Variants in KAT6B observed in about 807,000 individuals in gnomAD.
KAT6B encodes lysine acetyltransferase 6B.
A neutral mutation model predicts 187.5 loss-of-function variants in KAT6B; 10 were observed. The observed-to-expected ratio is 0.05, with a 90% CI of 0.03 to 0.09. KAT6B has a LOEUF of 0.09. Ranked by LOEUF, KAT6B falls within the 10% of genes least tolerant of loss-of-function variation. The pLI, the probability that KAT6B is intolerant of heterozygous loss-of-function variation, is 1.00. For missense variants in KAT6B, 1,952 were observed against 2,558.9 expected, an observed-to-expected ratio of 0.76 and a Z score of 5.12; for synonymous variants, 861 against 926.8, an observed-to-expected ratio of 0.93 and a Z score of 1.29.
intron 3 of KAT6B, among the ~76,000 whole-genome samples, chr10:74,852,441 C>T (rs1842535322): frequency 6.6e-6 from 1 of 152,152 alleles, no homozygotes; most frequent in African/African-American, 2.4e-5. Flanking sequence ...AATTGCAGTT[C>T]ATGTTCTTCT....
chr10:74,875,797 T>C (rs1054888951), intron 3 of KAT6B, among the ~76,000 whole-genome samples: 7 of 152,180 alleles, frequency 4.6e-5, no homozygotes, highest in Non-Finnish European at 1.0e-4. Flanking sequence ...TTTAATTTGC[T>C]GTTTCTTGAT....
Position 74,863,146 on chromosome 10 carries a change from TATAAAG to T in KAT6B, c.621+19673_621+19678del, listed in dbSNP as rs1440910955. On this transcript the variant is annotated intron_variant, in intron 3 of 17. Transcript: ENST00000287239. The stretch of plus-strand genomic sequence containing the variant: ...GATACATTATCACTGCAAATTTGAC[TATAAAG>T]ATAACTACTGTTGAAAGTGTGTATT... 2.0e-5 allele frequency among the ~76,000 whole-genome samples: 3 copies of T among 152,376 alleles called. No homozygotes were observed. The East Asian group carries it at 5.8e-4, about 29-fold the overall frequency.
chr10:74,911,951 G>A (rs1409515100), intron 3 of KAT6B, among the ~76,000 whole-genome samples: 5 of 151,988 alleles, frequency 3.3e-5, no homozygotes, highest in South Asian at 2.1e-4. Context: ...GACTACATGC[G>A]TATGCCACCA....
At chr10:75,003,644 G>T (rs944053801) in intron 13 of KAT6B, among the ~76,000 whole-genome samples, 3 of 151,938 alleles carry the variant, frequency 2.0e-5, no homozygotes, top group Non-Finnish European at 4.4e-5. Context: ...AAGGAAAATG[G>T]CTATTTTTCC....
At chr10:74,962,865 T>TA (rs59621480) in intron 4 of KAT6B, among the ~76,000 whole-genome samples, 9,547 of 148,694 alleles carry the variant, frequency 0.064, 337 homozygotes, top group Middle Eastern at 0.11. Context: ...AAAAATTCTT[T>TA]AAAAAAAAAA....
intron 16 of KAT6B, 61 bp downstream of exon 16, chr10:75,022,292 G>A (rs765557643): frequency 9.1e-5 from 144 of 1,575,060 alleles, no homozygotes; most frequent in Non-Finnish European, 1.2e-4. Flanking sequence ...TGTCATTGCA[G>A]ACATTCTGTC....
chr10:74,901,305 A>G (rs971413173), intron 3 of KAT6B, among the ~76,000 whole-genome samples: 2 of 152,254 alleles, frequency 1.3e-5, no homozygotes, highest in African/African-American at 4.8e-5. Flanking sequence ...CTAACTGATT[A>G]TCTCTCACAT....
At chr10:74,883,918 T>TA in intron 3 of KAT6B, among the ~76,000 whole-genome samples, 1 of 152,306 alleles carries the variant, frequency 6.6e-6, no homozygotes, top group East Asian at 1.9e-4. Context: ...GACTCATACT[T>TA]ATGTGCTGTT....
chr10:74,851,753 A>G (rs1344786417), intron 3 of KAT6B, among the ~76,000 whole-genome samples: 3 of 152,222 alleles, frequency 2.0e-5, no homozygotes, highest in Non-Finnish European at 2.9e-5. Context: ...TGCCCCTTTT[A>G]GAGAGATACG....
intron 13 of KAT6B, among the ~76,000 whole-genome samples, chr10:75,020,247 A>G (rs1845294709): frequency 6.6e-6 from 1 of 152,214 alleles, no homozygotes; most frequent in Non-Finnish European, 1.5e-5. Context: ...TTTTGAAAGA[A>G]TCTAAAGCTG....
At chr10:75,023,362 T>G (rs754376533) in intron 16 of KAT6B, 1 of 152,218 alleles carries the variant, frequency 6.6e-6, no homozygotes, top group Non-Finnish European at 1.5e-5. Flanking sequence ...AGGGTCTCCA[T>G]GGGGAGGTGG....
intron 13 of KAT6B, among the ~76,000 whole-genome samples, chr10:75,012,442 G>A (rs942886399): frequency 1.3e-5 from 2 of 152,102 alleles, no homozygotes; most frequent in Admixed American, 6.5e-5. Context: ...GTGAGACCGT[G>A]TCCAAAAAAT....
At chr10:74,976,390 G>A (rs1169501700) in intron 8 of KAT6B, 60 bp downstream of exon 8, 5 of 1,407,050 alleles carry the variant, frequency 3.6e-6, no homozygotes, top group Non-Finnish European at 5.0e-6. Context: ...CCCCAACCCT[G>A]AAAAAAATCA....
At chr10:74,827,763 G>A (rs1840378898) in intron 1 of KAT6B, among the ~76,000 whole-genome samples, 1 of 152,112 alleles carries the variant, frequency 6.6e-6, no homozygotes, top group African/African-American at 2.4e-5. Context: ...ACTGTGCCAG[G>A]GGTGAGGATG....
At chr10:74,843,531 A>G (rs1841894300) in intron 3 of KAT6B, 53 bp downstream of exon 3, 2 of 1,604,694 alleles carry the variant, frequency 1.2e-6, no homozygotes, top group Admixed American at 3.3e-5. Flanking sequence ...TTTGTCTTTT[A>G]CGGTTTCACT....
At chr10:74,993,837 T>C (rs1843259831) in intron 13 of KAT6B, among the ~76,000 whole-genome samples, 1 of 152,212 alleles carries the variant, frequency 6.6e-6, no homozygotes, top group Admixed American at 6.5e-5. Flanking sequence ...GCTGTACATT[T>C]TTTGGCAGGA....
chr10:75,016,944 A>T (rs970128807), intron 13 of KAT6B, among the ~76,000 whole-genome samples: 2 of 147,320 alleles, frequency 1.4e-5, no homozygotes, highest in African/African-American at 5.0e-5. Flanking sequence ...GCTCACTGCA[A>T]CCTCTGCCTC....
chr10:74,994,171 A>G (rs1843278467), intron 13 of KAT6B, among the ~76,000 whole-genome samples: 1 of 152,216 alleles, frequency 6.6e-6, no homozygotes, highest in African/African-American at 2.4e-5. Context: ...TCTAGAAGGA[A>G]GAATTATTTC....
chr10:74,931,237 C>G (rs1013726177), intron 3 of KAT6B, among the ~76,000 whole-genome samples: 1 of 152,112 alleles, frequency 6.6e-6, no homozygotes, highest in African/African-American at 2.4e-5. Flanking sequence ...TGAAAGGCCT[C>G]CTTTCCTCTC....
Sources: allele counts gnomAD v4.1 joint callset (sites outside exome capture counted in the v4.1 genomes callset), GRCh38; gene constraint gnomAD v4.1.1; transcripts MANE v1.5; gene names NCBI Gene and HGNC (gene_info 2026-07-23, HGNC 2026-07-21).